The following VPS13D variants were observed in gnomAD, a reference collection of about 807,000 sequenced individuals.
VPS13D encodes the protein vacuolar protein sorting 13 homolog D.
Under a neutral mutation model 461.9 loss-of-function variants are expected in VPS13D, and 187 were observed. That is an observed-to-expected ratio of 0.40 (90% CI 0.36 to 0.46). The LOEUF (loss-of-function observed/expected upper bound fraction) is 0.46, where lower values mean the gene tolerates loss of function less well. VPS13D is among the 20% of genes least tolerant of loss of function. The pLI, the probability that VPS13D is intolerant of heterozygous loss-of-function variation, is 0.60. For synonymous variants in VPS13D, 1,951 were observed against 1,986.3 expected, an observed-to-expected ratio of 0.98 and a Z score of 0.47; for missense variants, 4,711 against 5,364.9, an observed-to-expected ratio of 0.88 and a Z score of 3.81.
intron 39 of VPS13D, chr1:12,337,973 ATTCTT>A: frequency 2.6e-6 from 1 of 379,428 alleles, no homozygotes; most frequent in Non-Finnish European, 4.9e-6. Flanking sequence ...TTCAATACAT[ATTCTT>A]CTAATTCAGG....
chr1:12,404,262 C>G (rs1644620116), intron 63 of VPS13D, among the ~76,000 whole-genome samples: 1 of 151,822 alleles, frequency 6.6e-6, no homozygotes, highest in Non-Finnish European at 1.5e-5. Flanking sequence ...CCCATTTGCT[C>G]TCTGTTTAGC....
chr1:12,265,506 G>T (rs1278616053), intron 13 of VPS13D, among the ~76,000 whole-genome samples: 3 of 152,140 alleles, frequency 2.0e-5, no homozygotes, highest in African/African-American at 7.2e-5. Flanking sequence ...TCCTCTGATG[G>T]ACCTAGGTAA....
intron 5 of VPS13D, among the ~76,000 whole-genome samples, chr1:12,246,492 A>G (rs1332480462): frequency 1.3e-5 from 2 of 152,170 alleles, no homozygotes; most frequent in Non-Finnish European, 2.9e-5. Context: ...CAAATATTTC[A>G]AAATCCCCCC....
At position 12,322,583 on chromosome 1, in the gene VPS13D, G is replaced by C; in HGVS notation, c.7752G>C (p.Gln2584His). The change falls in exon 34 of 70, where the codon CAG (glutamine) becomes CAC (histidine). Residue 2584 changes from glutamine to histidine, a missense_variant. Around this residue, in one of 3 missense-constraint regions of VPS13D, gnomAD observed 4,411 missense variants for 4,937.8 expected, o/e 0.89. Transcript: ENST00000620676. ...TCAGACTCTCCTATAATGATGTTCA[G>C]CTGTTTCTTGCCATTGCAAAATCCA... ...LDIRLSYNDV[Q>H]LFLAIAKSIP... 3 of 1,614,182 alleles carry C rather than the reference G, an allele frequency of 1.9e-6. No homozygotes were observed. The highest frequency in any genetic ancestry group is 1.3e-5 in the African/African-American group (1 of 75,026).
At chr1:12,298,642 A>C (rs1344219696) in intron 24 of VPS13D, among the ~76,000 whole-genome samples, 8 of 141,778 alleles carry the variant, frequency 5.6e-5, no homozygotes, top group African/African-American at 2.1e-4. Context: ...ACTCTGTCTC[A>C]AAAAAAAAAA....
intron 67 of VPS13D, among the ~76,000 whole-genome samples, chr1:12,472,528 T>A (rs370931985): frequency 3.0e-4 from 45 of 152,342 alleles, no homozygotes; most frequent in African/African-American, 1.1e-3. Context: ...AGCTTTCTGC[T>A]TTGTGGCTTC....
chr1:12,483,198 C>T (rs1645747917), intron 67 of VPS13D, among the ~76,000 whole-genome samples: 1 of 152,216 alleles, frequency 6.6e-6, no homozygotes, highest in South Asian at 2.1e-4. Context: ...TGTACCAGCT[C>T]TGGCTATTCA....
At position 12,277,859 on chromosome 1, in the gene VPS13D, T is replaced by C. The variant is rs761798230; in HGVS notation, c.4271T>C (p.Val1424Ala). Residue 1424 changes from valine to alanine, a missense_variant, in exon 19 of 70, where the codon GTG becomes GCG. Coordinates refer to ENST00000620676, the MANE Select transcript of VPS13D (RefSeq NM_015378.4). ...GAATCCAGAAGTGACCGTCTGCAGG[T>C]GGAAATCAAGGACATTAAACTGTAT... ...DDESRSDRLQ[V>A]EIKDIKLYSL... 2 of 1,614,024 alleles carry C rather than the reference T, an allele frequency of 1.2e-6. No homozygotes were observed. The highest frequency in any genetic ancestry group is 2.2e-5 in the South Asian group (2 of 91,076).
intron 5 of VPS13D, among the ~76,000 whole-genome samples, chr1:12,248,289 C>G (rs1557662580): frequency 6.6e-6 from 1 of 152,046 alleles, no homozygotes; most frequent in Non-Finnish European, 1.5e-5. Flanking sequence ...TTTGCAAGTA[C>G]TTTCTCCCAT....
Position 12,508,952 on chromosome 1 carries a change from G to T in VPS13D, c.13095G>T (p.Lys4365Asn), listed in dbSNP as rs1404433094. The change falls in exon 70 of 70, where the codon AAG (lysine) becomes AAT (asparagine). Residue 4365 changes from lysine (K) to asparagine (N), a missense_variant. Physicochemically the swap from Lys to Asn is moderately conservative, Grantham distance 94. Around this residue, in one of 3 missense-constraint regions of VPS13D, gnomAD observed 194 missense variants for 220.9 expected, o/e 0.88. Coordinates refer to ENST00000620676, the MANE Select transcript of VPS13D (RefSeq NM_015378.4). ...VKLSQEINYA[K>N]SLYYEQQLML... ...TGTCACAAGAAATAAACTACGCAAA[G>T]AGCCTCTACTATGAACAGCAGCTTA... 6.2e-7 allele frequency: 1 copy of T among 1,614,204 alleles called. No homozygotes were observed. The highest frequency in any genetic ancestry group is 2.2e-5 in the East Asian group (1 of 44,884).
intron 5 of VPS13D, 51 bp from the exon 6 acceptor site, chr1:12,249,172 G>T: frequency 2.8e-6 from 4 of 1,407,788 alleles, no homozygotes; most frequent in Admixed American, 1.9e-5. Context: ...CTTTTCTTTG[G>T]AACACTATTC....
chr1:12,350,363 C>T (rs190289355), intron 46 of VPS13D, among the ~76,000 whole-genome samples: 1 of 152,032 alleles, frequency 6.6e-6, no homozygotes, highest in African/African-American at 2.4e-5. Flanking sequence ...TAGAAATAAA[C>T]AATAAGAAGA....
At chr1:12,260,229 G>A (rs1641064423) in intron 10 of VPS13D, among the ~76,000 whole-genome samples, 1 of 151,890 alleles carries the variant, frequency 6.6e-6, no homozygotes, top group African/African-American at 2.4e-5. Context: ...GTTTCACCAT[G>A]TTAGCCAGGA....
At chr1:12,446,695 CA>C (rs1161258515) in intron 65 of VPS13D, among the ~76,000 whole-genome samples, 2 of 152,140 alleles carry the variant, frequency 1.3e-5, no homozygotes, top group Admixed American at 1.3e-4. Flanking sequence ...TCTAACTTAG[CA>C]AATGTTTTAG....
chr1:12,394,169 C>T (rs1570083469), intron 60 of VPS13D, among the ~76,000 whole-genome samples: 2 of 152,284 alleles, frequency 1.3e-5, no homozygotes, highest in East Asian at 3.9e-4. Context: ...CCCCTTCATT[C>T]AAGGGGTTCT....
At chr1:12,259,104 T>A (rs1285524617) in intron 10 of VPS13D, among the ~76,000 whole-genome samples, 1 of 151,758 alleles carries the variant, frequency 6.6e-6, no homozygotes, top group African/African-American at 2.4e-5. Context: ...TACAGTGGCA[T>A]GATCATGGTC....
chr1:12,485,678 C>T (rs368220631), intron 67 of VPS13D, among the ~76,000 whole-genome samples: 5 of 151,990 alleles, frequency 3.3e-5, no homozygotes, highest in African/African-American at 7.2e-5. Context: ...GGGGTGGGCC[C>T]GCAGGGGATC....
At chr1:12,385,706 G>A (rs560109500) in intron 59 of VPS13D, among the ~76,000 whole-genome samples, 1 of 152,170 alleles carries the variant, frequency 6.6e-6, no homozygotes, top group South Asian at 2.1e-4. Context: ...TCTCTGTTTG[G>A]GATTGGAGAG....
chr1:12,303,996 T>G (rs142072002), intron 25 of VPS13D, among the ~76,000 whole-genome samples: 3 of 152,246 alleles, frequency 2.0e-5, no homozygotes, highest in African/African-American at 7.2e-5. Flanking sequence ...ATGGCTGGCC[T>G]CTTTTGTTTT....
Sources: allele counts gnomAD v4.1 joint callset (sites outside exome capture counted in the v4.1 genomes callset), GRCh38; gene constraint gnomAD v4.1.1; regional missense constraint gnomAD v4.1.1; transcripts MANE v1.5; gene names NCBI Gene and HGNC (gene_info 2026-07-23, HGNC 2026-07-21).